BABAM2: variants seen among roughly 807,000 people sequenced by gnomAD.
BABAM2 encodes the protein BRISC and BRCA1 A complex member 2.
BABAM2 carries 31 observed loss-of-function variants against 54.7 expected under a neutral mutation model. The observed-to-expected ratio is 0.57, with a 90% confidence interval of 0.43 to 0.77. The LOEUF is 0.77. Ranked by LOEUF, BABAM2 falls within the 30% of genes least tolerant of loss-of-function variation. BABAM2 has a pLI of 0.00. For missense variants in BABAM2, 364 were observed against 455.8 expected (o/e 0.80, Z 1.83); for synonymous variants, 167 against 162.9 (o/e 1.03, Z -0.19).
rs1031636381 is a variant in BABAM2, at chr2:28,322,832, T to C, written c.1089-15618T>C. 2.6e-5 allele frequency among the ~76,000 whole-genome samples: 4 copies of C among 152,226 alleles called. No homozygotes were observed. The highest frequency in any genetic ancestry group is 6.5e-5 in the Admixed American group (1 of 15,286). ...ACTTGCAAAGGGGAATTAATTATTG[T>C]TTGTGATACAATTAAAATCCCCCAA... On this transcript the variant is annotated intron_variant, in intron 11 of 11. Coordinates refer to ENST00000379624, the MANE Select transcript of BABAM2 (RefSeq NM_199191.3). The surrounding 1 kb of genome is among the most constrained non-coding windows in gnomAD (Gnocchi z 4.1).
At chr2:28,099,552 AG>A (rs1193654669) in intron 6 of BABAM2, among the ~76,000 whole-genome samples, 2 of 152,216 alleles carry the variant, frequency 1.3e-5, no homozygotes, top group Non-Finnish European at 2.9e-5. Context: ...GCTTGTTCAT[AG>A]GAAAATTATT....
rs550427776 is a variant in BABAM2, at chr2:28,293,293, A to G, written c.935-5045A>G. On this transcript the variant is annotated intron_variant, in intron 10 of 11. Transcript: ENST00000379624. ...ATTTTTCCATTGTTGAGGTGTTTGG[A>G]GAAGTGAGAAATTTCTAGAAAGTCT... is the stretch of plus-strand genomic sequence containing the variant. 3.9e-5 allele frequency among the ~76,000 whole-genome samples: 6 copies of G among 152,184 alleles called. No individual in the cohort carries two copies. In the East Asian group the frequency reaches 9.6e-4, roughly 24 times the overall value.
intron 7 of BABAM2, among the ~76,000 whole-genome samples, chr2:28,196,079 G>A (rs1459922695): frequency 1.3e-5 from 2 of 152,206 alleles, no homozygotes; most frequent in Non-Finnish European, 1.5e-5. Context: ...TGTAATCCCA[G>A]CACTTTGGGA....
intron 11 of BABAM2, among the ~76,000 whole-genome samples, chr2:28,320,598 C>G (rs79606415): frequency 0.013 from 2,000 of 152,362 alleles, 26 homozygotes; most frequent in South Asian, 0.043. Flanking sequence ...GTGATGTCCT[C>G]ACATTTAGCT....
intron 10 of BABAM2, among the ~76,000 whole-genome samples, chr2:28,255,305 A>G (rs2029431): frequency 0.97 from 146,976 of 152,216 alleles, 71,170 homozygotes; most frequent in Middle Eastern, 1. Flanking sequence ...ATGGAGTCTC[A>G]CTTTGTTGCC....
intron 10 of BABAM2, among the ~76,000 whole-genome samples, chr2:28,286,853 G>T (rs74448223): frequency 1.3e-5 from 2 of 152,116 alleles, no homozygotes; most frequent in African/African-American, 4.8e-5. Context: ...CCCTAGAGCC[G>T]GCCATGGTAT....
intron 10 of BABAM2, among the ~76,000 whole-genome samples, chr2:28,277,280 A>G (rs1685961177): frequency 6.6e-6 from 1 of 151,808 alleles, no homozygotes; most frequent in Non-Finnish European, 1.5e-5. Flanking sequence ...TAATTTTTGT[A>G]TTTTTAGTGC....
intron 7 of BABAM2, among the ~76,000 whole-genome samples, chr2:28,208,609 T>TTCCC (rs1056087890): frequency 6.6e-6 from 1 of 152,006 alleles, no homozygotes; most frequent in Non-Finnish European, 1.5e-5. Context: ...CATTTCCCCT[T>TTCCC]TCCCTCCCTC....
chr2:28,207,394 G>A (rs6752870), intron 7 of BABAM2, among the ~76,000 whole-genome samples: 127,802 of 151,234 alleles, frequency 0.85, 54,709 homozygotes, highest in East Asian at 1. Context: ...AACAGCAGCA[G>A]CAACAACAAC....
intron 6 of BABAM2, among the ~76,000 whole-genome samples, chr2:28,060,035 A>T (rs776278741): frequency 6.6e-6 from 1 of 152,202 alleles, no homozygotes; most frequent in Non-Finnish European, 1.5e-5. Context: ...AAATCAGGCA[A>T]AGATATTACA....
At chr2:28,247,741 T>C (rs1424548572) in intron 10 of BABAM2, among the ~76,000 whole-genome samples, 2 of 152,164 alleles carry the variant, frequency 1.3e-5, no homozygotes, top group African/African-American at 2.4e-5. Flanking sequence ...TTGCTATTGA[T>C]AGGATAGCTC....
chr2:28,036,400 T>C (rs1028367999), intron 5 of BABAM2, among the ~76,000 whole-genome samples: 1 of 152,162 alleles, frequency 6.6e-6, no homozygotes. Flanking sequence ...CATGGTACCA[T>C]TAACTTATTT....
intron 11 of BABAM2, among the ~76,000 whole-genome samples, chr2:28,313,289 A>G (rs1454026457): frequency 6.6e-6 from 1 of 152,268 alleles, no homozygotes; most frequent in Non-Finnish European, 1.5e-5. Context: ...GAGAAGAAGG[A>G]GTATTGTAAT....
At chr2:28,010,480 G>A (rs1371334950) in intron 4 of BABAM2, among the ~76,000 whole-genome samples, 2 of 152,028 alleles carry the variant, frequency 1.3e-5, no homozygotes, top group African/African-American at 4.8e-5. Flanking sequence ...CTATACTTTT[G>A]GTTGAAGTGC....
chr2:28,294,040 A>C (rs1467575715), intron 10 of BABAM2, among the ~76,000 whole-genome samples: 1 of 152,078 alleles, frequency 6.6e-6, no homozygotes, highest in Non-Finnish European at 1.5e-5. Context: ...GAATCAAATG[A>C]GATGATTCTG....
intron 6 of BABAM2, among the ~76,000 whole-genome samples, chr2:28,052,387 A>C (rs1335890823): frequency 1.3e-5 from 2 of 150,670 alleles, no homozygotes; most frequent in African/African-American, 2.4e-5. Context: ...TCTGGGATTC[A>C]GGCAATTCTC....
chr2:28,324,070 G>C (rs1304567829), intron 11 of BABAM2, among the ~76,000 whole-genome samples: 2 of 152,202 alleles, frequency 1.3e-5, no homozygotes, highest in African/African-American at 4.8e-5. Context: ...TAGACACACA[G>C]AGCTACCAGA....
rs371776281 is a variant in BABAM2 at position 28,212,858 on chromosome 2, G to T, written c.681-24344G>T. ...CCTGAAATCATAAAATCTTACTGAG[G>T]GTAATTCTTAGATCTTTTAATTTGA... is the stretch of plus-strand genomic sequence containing the variant. On this transcript the variant is annotated intron_variant, in intron 7 of 11. Coordinates refer to ENST00000379624, the MANE Select transcript of BABAM2 (RefSeq NM_199191.3). Among the ~76,000 whole-genome samples, 6 of 152,260 alleles carry T rather than the reference G, an allele frequency of 3.9e-5. No individual in the cohort carries two copies. In the East Asian group the frequency reaches 9.6e-4, roughly 24 times the overall value.
intron 6 of BABAM2, among the ~76,000 whole-genome samples, chr2:28,092,749 C>CCTCTCTCT (rs70953901): frequency 2.0e-5 from 3 of 146,816 alleles, no homozygotes; most frequent in African/African-American, 5.0e-5. Flanking sequence ...TTCGTCTCTG[C>CCTCTCTCT]CTCTCTCTCT....
Sources: gnomAD v4.1 joint callset for allele counts (sites outside exome capture counted in the v4.1 genomes callset) on GRCh38, gnomAD v4.1.1 for gene constraint, Gnocchi (gnomAD v3.1) non-coding constraint, MANE v1.5 for transcripts, NCBI Gene and HGNC (gene_info 2026-07-23, HGNC 2026-07-21) for gene names.